The following GSTM4 variants were observed in gnomAD, a reference collection of about 807,000 sequenced individuals.
The protein encoded by GSTM4 is glutathione S-transferase mu 4.
Under a neutral mutation model 30.1 loss-of-function variants are expected in GSTM4, and 27 were observed. The observed-to-expected ratio is 0.90, with a 90% confidence interval of 0.66 to 1.24. The LOEUF is 1.24. Ranked by LOEUF, GSTM4 falls within the 50% of genes most tolerant of loss-of-function variation. The pLI, the probability that GSTM4 is intolerant of heterozygous loss-of-function variation, is 0.00. For missense variants in GSTM4, 238 were observed against 272.1 expected, an observed-to-expected ratio of 0.87 and a Z score of 0.88; for synonymous variants, 94 against 96.2, an observed-to-expected ratio of 0.98 and a Z score of 0.13.
At chr1:109,658,567 T>C (rs1018460448) in intron 5 of GSTM4, 5 of 520,470 alleles carry the variant, frequency 9.6e-6, no homozygotes, top group African/African-American at 9.5e-5. Flanking sequence ...GGAGGGTGGT[T>C]GGGAGGTCAG....
chr1:109,661,033 T>A (rs1652287742), intron 7 of GSTM4, 132 bp from the exon 8 acceptor site: 1 of 1,239,766 alleles, frequency 8.1e-7, no homozygotes, highest in East Asian at 2.3e-5. Context: ...AGAGGCTGTG[T>A]GATGCCTCAG....
At chr1:109,666,490 G>A (rs1422520332), downstream of GSTM4, among the ~76,000 whole-genome samples, 1 of 152,146 alleles carries the variant, frequency 6.6e-6, no homozygotes, top group African/African-American at 2.4e-5. Flanking sequence ...CCTGTACCCT[G>A]AAAGATCAAG....
downstream of GSTM4, among the ~76,000 whole-genome samples, chr1:109,664,571 G>T (rs1201568637): frequency 6.6e-6 from 1 of 151,646 alleles, no homozygotes; most frequent in African/African-American, 2.4e-5. Context: ...TATTGGCCAG[G>T]CTGGTCTCGA....
downstream of GSTM4, among the ~76,000 whole-genome samples, chr1:109,665,766 T>A (rs998412123): frequency 8.5e-5 from 13 of 152,160 alleles, no homozygotes; most frequent in African/African-American, 3.1e-4. Context: ...TCCTGGTAAA[T>A]CTCCCTGTTG....
intron 2 of GSTM4, 185 bp downstream of exon 2, chr1:109,656,972 G>C (rs1178711547): frequency 1.3e-6 from 1 of 799,564 alleles, no homozygotes; most frequent in African/African-American, 1.7e-5. Flanking sequence ...GGGATGCTGG[G>C]CCCCCTGTTT....
Position 109,656,405 on chromosome 1 carries a change from G to A in GSTM4, c.16G>A (p.Gly6Arg), listed in dbSNP as rs1445675117. 1 of 1,613,990 alleles carries A rather than the reference G, an allele frequency of 6.2e-7. No homozygotes were observed. Among genetic ancestry groups the A allele is most frequent in the East Asian group, 2.2e-5 (1 of 44,854 alleles). ...AACCAGCATCATGTCCATGACACTG[G>A]GGTACTGGGACATCCGCGGGGTGAG... MSMTL[G>R]YWDIRGLAHA... Residue 6 changes from glycine (G) to arginine (R), a missense_variant, in exon 1 of 8, where the codon GGG becomes AGG. Transcript: ENST00000369836.
At chr1:109,659,292 A>G (rs758494751) in intron 7 of GSTM4, 182 bp downstream of exon 7, 13 of 1,574,986 alleles carry the variant, frequency 8.3e-6, no homozygotes, top group African/African-American at 2.7e-5. Flanking sequence ...CAACATTCCT[A>G]CAGGGTGACA....
downstream of GSTM4, among the ~76,000 whole-genome samples, chr1:109,664,341 CTTTTTTTTTTTTTTTTTTTTTTT>C (rs77855995): frequency 4.2e-4 from 15 of 35,756 alleles, 1 homozygote; most frequent in South Asian, 0.017. Context: ...GAGAGAATAG[CTTTTTTTTTTTTTTTTTTTTTTT>C]TTTTTTTTTT....
downstream of GSTM4, among the ~76,000 whole-genome samples, chr1:109,667,269 G>C (rs1422610296): frequency 6.6e-6 from 1 of 150,736 alleles, no homozygotes; most frequent in East Asian, 1.9e-4. Flanking sequence ...ATTTATTTCA[G>C]TTAATAATAT....
downstream of GSTM4, among the ~76,000 whole-genome samples, chr1:109,665,905 A>T (rs1461509606): frequency 6.6e-6 from 1 of 152,100 alleles, no homozygotes; most frequent in African/African-American, 2.4e-5. Flanking sequence ...GCCTCTGGTG[A>T]CTAGCATCAC....
rs1352711244 is a variant in GSTM4 at position 109,661,251 on chromosome 1, G to A, written c.654G>A (p.Lys218=). Residue 218 remains lysine (K), a synonymous_variant, in exon 8 of 8, where the codon AAG becomes AAA. Coordinates refer to ENST00000369836, the MANE Select transcript of GSTM4 (RefSeq NM_000850.5). ...LYTRVAVWGN[K] is the part of the protein sequence containing the mutation. ...CAAGGGTGGCTGTCTGGGGCAACAA[G>A]TAATGCCTTGAAGGCCAGGAGGTGG... 6.2e-7 allele frequency: 1 copy of A among 1,611,508 alleles called. No individual in the cohort carries two copies. Among genetic ancestry groups the A allele is most frequent in the South Asian group, 1.1e-5 (1 of 91,090 alleles).
intron 5 of GSTM4, chr1:109,658,492 T>C: frequency 2.9e-6 from 1 of 340,886 alleles, no homozygotes. Flanking sequence ...CTTTGTATCC[T>C]TGATTTTGCT....
At chr1:109,659,405 G>A (rs1652197295) in intron 7 of GSTM4, 5 of 1,434,388 alleles carry the variant, frequency 3.5e-6, no homozygotes, top group Non-Finnish European at 3.7e-6. Context: ...CTCCCTGTGA[G>A]CATCTGGATC....
intron 2 of GSTM4, 93 bp from the exon 3 acceptor site, chr1:109,657,122 C>G: frequency 7.6e-7 from 1 of 1,312,614 alleles, no homozygotes; most frequent in Non-Finnish European, 1.1e-6. Flanking sequence ...CCACCTGTCT[C>G]AGGGATCTTG....
chr1:109,664,735 G>C (rs1056263580), downstream of GSTM4, among the ~76,000 whole-genome samples: 1 of 152,064 alleles, frequency 6.6e-6, no homozygotes, highest in Non-Finnish European at 1.5e-5. Context: ...GTACTTGAGG[G>C]ATTGCAGTTT....
chr1:109,661,391 A>G lies in GSTM4; in HGVS notation c.*137A>G, dbSNP rs1055597073. Reference sequence around the variant, plus strand: ...CTGTTTATTCCCATCTTTACCCCCAAGACTTTATTGGGCCTCTTCACTTCC... The same window carrying G: ...CTGTTTATTCCCATCTTTACCCCCAGGACTTTATTGGGCCTCTTCACTTCC... On this transcript the variant is annotated 3_prime_UTR_variant, in exon 8 of 8. Coordinates refer to ENST00000369836, the MANE Select transcript of GSTM4 (RefSeq NM_000850.5). 1.2e-5 allele frequency: 19 copies of G among 1,540,950 alleles called. No individual in the cohort carries two copies. Among genetic ancestry groups the G allele is most frequent in the South Asian group, 2.4e-5 (2 of 82,576 alleles).
At chr1:109,667,301 GT>G (rs970934075), downstream of GSTM4, among the ~76,000 whole-genome samples, 84 of 145,792 alleles carry the variant, frequency 5.8e-4, no homozygotes, top group Middle Eastern at 3.5e-3. Flanking sequence ...TGTCCTGGTA[GT>G]TTTTTTTTTT....
chr1:109,665,156 C>G, downstream of GSTM4: 2 of 749,328 alleles, frequency 2.7e-6, no homozygotes, highest in East Asian at 5.2e-5. Flanking sequence ...CAAAGATTTC[C>G]TTCAGCAATG....
In GSTM4 at chr1:109,659,042, C is replaced by G. The variant is rs1192706630; in HGVS notation, c.499C>G (p.His167Asp). 6.2e-7 allele frequency: 1 copy of G among 1,614,214 alleles called. No homozygotes were observed. The highest frequency in any genetic ancestry group is 1.6e-4 in the Middle Eastern group (1 of 6,062). The stretch of plus-strand genomic sequence containing the variant: ...CCTCGCCTATGATGTCCTTGACCTC[C>G]ACCGTATATTTGAGCCCAACTGCTT... ...DFLAYDVLDL[H>D]RIFEPNCLDA... The change falls in exon 7 of 8, where the codon CAC becomes GAC. Residue 167 changes from histidine to aspartate, a missense_variant. Transcript: ENST00000369836.
Sources: gnomAD v4.1 joint callset for allele counts (sites outside exome capture counted in the v4.1 genomes callset) on GRCh38, gnomAD v4.1.1 for gene constraint, MANE v1.5 for transcripts, NCBI Gene and HGNC (gene_info 2026-07-23, HGNC 2026-07-21) for gene names.